CCNYL1: variants seen among roughly 807,000 people sequenced by gnomAD.
CCNYL1 encodes the protein cyclin-Y-like protein 1.
Under a neutral mutation model 44.2 loss-of-function variants are expected in CCNYL1, and 16 were observed. The observed-to-expected ratio is 0.36, with a 90% confidence interval of 0.25 to 0.55. The LOEUF (loss-of-function observed/expected upper bound fraction) is 0.55. Ranked by LOEUF, CCNYL1 falls within the 20% of genes least tolerant of loss-of-function variation. The pLI is 0.85. For missense variants in CCNYL1, 348 were observed against 451.8 expected, an observed-to-expected ratio of 0.77 and a Z score of 2.08; for synonymous variants, 159 against 163.2, an observed-to-expected ratio of 0.97 and a Z score of 0.20.
chr2:207,722,944 G>C (rs1247610510), intron 1 of CCNYL1, among the ~76,000 whole-genome samples: 3 of 151,322 alleles, frequency 2.0e-5, no homozygotes, highest in African/African-American at 7.3e-5. Context: ...GGGCGAAAGA[G>C]TGAGACTCTT....
chr2:207,740,785 C>A, intron 6 of CCNYL1, 79 bp downstream of exon 6: 1 of 821,740 alleles, frequency 1.2e-6, no homozygotes, highest in Non-Finnish European at 2.1e-6. Context: ...ATAAATAGTC[C>A]TAACAAATAT....
In CCNYL1 at chr2:207,754,445, T is replaced by G. The variant is rs1029127876; in HGVS notation, c.*747T>G. ...CATTTTCTGATAATTTTTCTCTTGCTAAATAAATGTATTAAAAGATATTTT... is the reference window on the plus strand; with the variant it reads ...CATTTTCTGATAATTTTTCTCTTGCGAAATAAATGTATTAAAAGATATTTT... On this transcript the variant is annotated 3_prime_UTR_variant, in exon 10 of 10. Coordinates refer to ENST00000295414, the MANE Select transcript of CCNYL1 (RefSeq NM_001330218.2). 6.5e-6 allele frequency: 1 copy of G among 152,686 alleles called. No homozygotes were observed. Among genetic ancestry groups the G allele is most frequent in the African/African-American group, 2.4e-5 (1 of 41,468 alleles). The allele number at this position is 152,686 out of a possible 1,614,324, so 9.5% of individuals were successfully genotyped here.
chr2:207,735,476 A>G (rs1008056128), intron 4 of CCNYL1, among the ~76,000 whole-genome samples: 3 of 152,210 alleles, frequency 2.0e-5, no homozygotes, highest in Non-Finnish European at 2.9e-5. Flanking sequence ...GCATAATTAC[A>G]CAGACAAGCA....
chr2:207,729,622 T>A (rs934969766), intron 3 of CCNYL1, among the ~76,000 whole-genome samples: 3 of 152,024 alleles, frequency 2.0e-5, no homozygotes, highest in Admixed American at 2.0e-4. Flanking sequence ...TGGTGGGTCT[T>A]GTCTTGTCTT....
intron 2 of CCNYL1, among the ~76,000 whole-genome samples, chr2:207,725,126 A>AT (rs34595478): frequency 0.46 from 61,923 of 135,238 alleles, 15,032 homozygotes; most frequent in Non-Finnish European, 0.5. Context: ...AGTAACATGG[A>AT]TTTTTTTTTT....
chr2:207,714,161 T>C (rs948023070), intron 1 of CCNYL1, among the ~76,000 whole-genome samples: 2 of 152,182 alleles, frequency 1.3e-5, no homozygotes, highest in African/African-American at 4.8e-5. Flanking sequence ...AGGTGAGATA[T>C]ACCAAGTTCA....
intron 7 of CCNYL1, among the ~76,000 whole-genome samples, chr2:207,746,272 A>C (rs2091854455): frequency 6.6e-6 from 1 of 152,216 alleles, no homozygotes; most frequent in African/African-American, 2.4e-5. Context: ...TCTTCAAGCT[A>C]GTGCCACAAA....
At chr2:207,713,385 A>C (rs990984753) in intron 1 of CCNYL1, among the ~76,000 whole-genome samples, 1 of 152,062 alleles carries the variant, frequency 6.6e-6, no homozygotes, top group African/African-American at 2.4e-5. Context: ...CTTCCTCCCA[A>C]TCCTGCCAAT....
rs201658625 is a variant in CCNYL1, at chr2:207,753,642, T to G, written c.1024T>G (p.Ser342Ala). 3 of 1,613,644 alleles carry G rather than the reference T, an allele frequency of 1.9e-6. No individual in the cohort carries two copies. The highest frequency in any genetic ancestry group is 2.5e-6 in the Non-Finnish European group (3 of 1,179,764). Residue 342 changes from serine to alanine, a missense_variant, in exon 10 of 10, where the codon TCT becomes GCT. Around this residue, in one of 3 missense-constraint regions of CCNYL1, gnomAD observed 94 missense variants for 102.4 expected, o/e 0.92. Transcript: ENST00000295414. Reference sequence around the variant, plus strand: ...CTTGTGTAGAGCCGCTATGAGAAGGTCTTTCAGTGCTGATAACTTCATTGG... The same window carrying G: ...CTTGTGTAGAGCCGCTATGAGAAGGGCTTTCAGTGCTGATAACTTCATTGG... ...KDLCRAAMRR[S>A]FSADNFIGIQ...
At chr2:207,714,084 A>T (rs2091574197) in intron 1 of CCNYL1, among the ~76,000 whole-genome samples, 1 of 152,184 alleles carries the variant, frequency 6.6e-6, no homozygotes, top group South Asian at 2.1e-4. Context: ...AGAGTTAGGT[A>T]TGTAGAATGA....
At chr2:207,752,112 G>A (rs911752620) in intron 9 of CCNYL1, among the ~76,000 whole-genome samples, 2 of 145,178 alleles carry the variant, frequency 1.4e-5, no homozygotes, top group Admixed American at 6.6e-5. Context: ...ACTCTTGACT[G>A]TCTTACTTAC....
chr2:207,740,844 T>A (rs939916624), intron 6 of CCNYL1, 138 bp downstream of exon 6: 26 of 628,844 alleles, frequency 4.1e-5, no homozygotes, highest in South Asian at 8.2e-5. Context: ...TTTAAATCAA[T>A]TAAAATGGTG....
At chr2:207,718,388 G>T (rs1455134307) in intron 1 of CCNYL1, among the ~76,000 whole-genome samples, 1 of 151,886 alleles carries the variant, frequency 6.6e-6, no homozygotes, top group African/African-American at 2.4e-5. Context: ...CACACCCATA[G>T]TCCCAGCTAC....
intron 1 of CCNYL1, 76 bp downstream of exon 1, chr2:207,712,192 A>G (rs1406153505): frequency 1.0e-5 from 13 of 1,277,306 alleles, no homozygotes; most frequent in African/African-American, 1.6e-5. Context: ...CCCGGGAGGC[A>G]TCCGCCGCCT....
At chr2:207,712,154 C>G in intron 1 of CCNYL1, 38 bp downstream of exon 1, 2 of 1,534,994 alleles carry the variant, frequency 1.3e-6, no homozygotes, top group Non-Finnish European at 1.8e-6. Context: ...CTCGGGCTCA[C>G]CTCTGCCCGC....
chr2:207,740,071 C>A (rs1202887443), intron 5 of CCNYL1, among the ~76,000 whole-genome samples: 1 of 152,194 alleles, frequency 6.6e-6, no homozygotes. Flanking sequence ...CAGAAGTCCA[C>A]AGACCACACT....
chr2:207,737,997 G>T, intron 5 of CCNYL1, among the ~76,000 whole-genome samples: 1 of 151,654 alleles, frequency 6.6e-6, no homozygotes, highest in African/African-American at 2.4e-5. Flanking sequence ...TCTCATCTCT[G>T]TCTTTGCAAT....
In CCNYL1 at chr2:207,755,223, T is replaced by A. The variant is rs561052361; in HGVS notation, c.*1525T>A. The A allele has an allele frequency of 6.1e-4, 92 of 151,572 alleles. 1 individual carries two copies. Among genetic ancestry groups the A allele is most frequent in the Middle Eastern group, 3.4e-3 (1 of 294 alleles). 9.4% of individuals were successfully genotyped at this position (151,572 alleles called of 1,614,324 possible). On this transcript the variant is annotated 3_prime_UTR_variant, in exon 10 of 10. Coordinates refer to ENST00000295414, the MANE Select transcript of CCNYL1 (RefSeq NM_001330218.2). ...GTGAGACCCTGCCTGTAAAAAAAAA[T>A]AATAAAAATAGTTGGATATGGTGGC... is the stretch of plus-strand genomic sequence containing the variant.
At position 207,725,784 on chromosome 2, in the gene CCNYL1, A is replaced by G. The variant is rs541235058; in HGVS notation, c.295+910A>G. ...TCCTGCTTGTTTTAGGATGAGAATC[A>G]GAACTGTTGTATTTTTCTGTACTCC... On this transcript the variant is annotated intron_variant, in intron 2 of 9. Transcript: ENST00000295414. 4.6e-5 allele frequency among the ~76,000 whole-genome samples: 7 copies of G among 152,372 alleles called. No homozygotes were observed. In the East Asian group the frequency reaches 1.3e-3, roughly 29 times the overall value.
Sources: allele counts gnomAD v4.1 joint callset (sites outside exome capture counted in the v4.1 genomes callset), GRCh38; gene constraint gnomAD v4.1.1; regional missense constraint gnomAD v4.1.1; transcripts MANE v1.5; gene names NCBI Gene and HGNC (gene_info 2026-07-23, HGNC 2026-07-21).